The following EPM2A variants were observed in gnomAD, a reference collection of about 807,000 sequenced individuals.
EPM2A encodes the protein EPM2A glucan phosphatase, laforin, also known as laforin.
Under a neutral mutation model 26.5 loss-of-function variants are expected in EPM2A, and 21 were observed. The observed-to-expected ratio is 0.79, with a 90% CI of 0.56 to 1.14. The LOEUF (loss-of-function observed/expected upper bound fraction) is 1.14, where lower values mean the gene tolerates loss of function less well. EPM2A is among the 50% of genes most tolerant of loss of function. The probability of loss-of-function intolerance (pLI) is 0.00; values close to 1 mark genes in which losing one functional copy is unlikely to be tolerated. For missense variants in EPM2A, 458 were observed against 440.8 expected (o/e 1.04, Z -0.35); for synonymous variants, 217 against 177.6 (o/e 1.22, Z -1.76).
intron 2 of EPM2A, among the ~76,000 whole-genome samples, chr6:145,676,909 C>G (rs879187825): frequency 6.6e-6 from 1 of 152,076 alleles, no homozygotes; most frequent in Non-Finnish European, 1.5e-5. Flanking sequence ...AAAAAAGGGA[C>G]TCCTCCATAA....
chr6:145,712,090 T>C (rs751899910), intron 1 of EPM2A, among the ~76,000 whole-genome samples: 2 of 152,174 alleles, frequency 1.3e-5, no homozygotes, highest in Non-Finnish European at 2.9e-5. Context: ...GGTGAAATCA[T>C]TGATGCTTTA....
At chr6:145,592,127 A>G (rs1244723023) in intron 2 of EPM2A, among the ~76,000 whole-genome samples, 1 of 150,678 alleles carries the variant, frequency 6.6e-6, no homozygotes, top group Non-Finnish European at 1.5e-5. Context: ...CGTCATTTAC[A>G]TTAGGTATAT....
At chr6:145,596,085 T>C (rs908668457) in intron 2 of EPM2A, among the ~76,000 whole-genome samples, 2 of 152,242 alleles carry the variant, frequency 1.3e-5, no homozygotes, top group African/African-American at 4.8e-5. Context: ...CAAGGAAGTA[T>C]GTTTGTATCT....
At chr6:145,489,522 A>G (rs1412353748) in intron 4 of EPM2A, 2 of 614,146 alleles carry the variant, frequency 3.3e-6, no homozygotes, top group African/African-American at 3.7e-5. Flanking sequence ...CACAACAACA[A>G]ATAGCTTAAC....
chr6:145,570,819 C>T (rs530220711), intron 2 of EPM2A, among the ~76,000 whole-genome samples: 2 of 152,310 alleles, frequency 1.3e-5, no homozygotes, highest in South Asian at 4.1e-4. Context: ...TAATGGATCT[C>T]CTGTATTCCA....
intron 2 of EPM2A, among the ~76,000 whole-genome samples, chr6:145,509,560 G>C (rs1020901096): frequency 5.3e-5 from 8 of 152,128 alleles, no homozygotes; most frequent in African/African-American, 1.9e-4. Context: ...GTTAGCACTA[G>C]ACTGGCCCTA....
At position 145,411,916 on chromosome 6, in the gene EPM2A, G is replaced by A. The variant is rs114204216; in HGVS notation, c.556-27819C>T. On this transcript the variant is annotated intron_variant, in intron 4 of 4. Transcript: ENST00000638717. ...AAAACACCTTTGCAGGTACAGACTT[G>A]ACTTGATAAAGAATTTCATCTGACT... 4.9e-3 allele frequency among the ~76,000 whole-genome samples: 752 copies of A among 152,172 alleles called. 4 individuals carry two copies. The highest frequency in any genetic ancestry group is 0.017 in the African/African-American group (712 of 41,514).
intron 4 of EPM2A, among the ~76,000 whole-genome samples, chr6:145,473,074 T>G (rs1284519099): frequency 1.3e-5 from 2 of 151,788 alleles, no homozygotes; most frequent in Admixed American, 1.3e-4. Flanking sequence ...AAGGGAACAA[T>G]CCTGGAGAAA....
intron 4 of EPM2A, among the ~76,000 whole-genome samples, chr6:145,415,527 C>T (rs10457779): frequency 0.38 from 57,613 of 151,980 alleles, 11,441 homozygotes; most frequent in South Asian, 0.53. Context: ...CTGTGCCTGA[C>T]ATTTTGCTTC....
chr6:145,554,513 T>C (rs1336142083), intron 2 of EPM2A, among the ~76,000 whole-genome samples: 1 of 151,920 alleles, frequency 6.6e-6, no homozygotes, highest in Non-Finnish European at 1.5e-5. Flanking sequence ...GGAATTGGTG[T>C]CCTAGTTCAT....
intron 2 of EPM2A, among the ~76,000 whole-genome samples, chr6:145,542,653 C>G (rs765091786): frequency 2.3e-4 from 35 of 152,172 alleles, no homozygotes; most frequent in Non-Finnish European, 3.8e-4. Context: ...CCTTGTTAGT[C>G]CCCTCTGGAC....
chr6:145,588,153 C>T (rs1175866140), intron 2 of EPM2A, among the ~76,000 whole-genome samples: 1 of 152,086 alleles, frequency 6.6e-6, no homozygotes, highest in Non-Finnish European at 1.5e-5. Context: ...GCCTTTATTT[C>T]CAAATACAGG....
intron 2 of EPM2A, among the ~76,000 whole-genome samples, chr6:145,608,941 C>G (rs1000041959): frequency 1.3e-5 from 2 of 152,134 alleles, no homozygotes; most frequent in Non-Finnish European, 2.9e-5. Flanking sequence ...TAGAAAACTA[C>G]TCAGGAAATT....
chr6:145,523,017 T>C (rs143694808), intron 2 of EPM2A, among the ~76,000 whole-genome samples: 1 of 152,330 alleles, frequency 6.6e-6, no homozygotes, highest in Non-Finnish European at 1.5e-5. Context: ...AGGTTTAAGA[T>C]ATGCACCAAT....
chr6:145,451,430 T>C (rs959670364), intron 4 of EPM2A, among the ~76,000 whole-genome samples: 3 of 152,210 alleles, frequency 2.0e-5, no homozygotes, highest in Admixed American at 6.5e-5. Flanking sequence ...TTTAAAGAAC[T>C]AACACTTCTT....
intron 2 of EPM2A, among the ~76,000 whole-genome samples, chr6:145,551,289 A>T (rs968657384): frequency 6.6e-6 from 1 of 152,046 alleles, no homozygotes; most frequent in African/African-American, 2.4e-5. Context: ...CTTAAAAATT[A>T]GGTGAAACAG....
intron 2 of EPM2A, among the ~76,000 whole-genome samples, chr6:145,585,278 T>A (rs1436156436): frequency 1.3e-5 from 2 of 152,166 alleles, no homozygotes; most frequent in African/African-American, 4.8e-5. Flanking sequence ...AGACTTATAG[T>A]TTTCATCACC....
At chr6:145,711,680 A>G in intron 1 of EPM2A, among the ~76,000 whole-genome samples, 1 of 152,198 alleles carries the variant, frequency 6.6e-6, no homozygotes, top group Non-Finnish European at 1.5e-5. Flanking sequence ...GAGTTGGCAA[A>G]GGAAGGATAA....
exon 4 of EPM2A, chr6:145,501,711 C>T: frequency 2.2e-6 from 1 of 458,104 alleles, no homozygotes; most frequent in South Asian, 1.6e-5. Flanking sequence ...CTATTCAATG[C>T]TTATGAAATT....
Sources: allele counts gnomAD v4.1 joint callset (sites outside exome capture counted in the v4.1 genomes callset), GRCh38; gene constraint gnomAD v4.1.1; transcripts MANE v1.5; gene names NCBI Gene and HGNC (gene_info 2026-07-23, HGNC 2026-07-21).